Variants in AGBL1 observed in about 807,000 individuals in gnomAD.
AGBL1 encodes AGBL carboxypeptidase 1.
AGBL1 carries 130 observed loss-of-function variants against 118.9 expected under a neutral mutation model. That is an observed-to-expected ratio of 1.09 (90% confidence interval 0.95 to 1.26). The LOEUF (loss-of-function observed/expected upper bound fraction) is 1.26, where lower values mean the gene tolerates loss of function less well. Ranked by LOEUF, AGBL1 falls within the 50% of genes most tolerant of loss-of-function variation. The pLI, the probability that AGBL1 is intolerant of heterozygous loss-of-function variation, is 0.00. For synonymous variants in AGBL1, 555 were observed against 478.9 expected (o/e 1.16, Z -2.08); for missense variants, 1,584 against 1,298.1 (o/e 1.22, Z -3.38).
chr15:86,326,441 T>C (rs1352168491), intron 17 of AGBL1, among the ~76,000 whole-genome samples: 1 of 152,158 alleles, frequency 6.6e-6, no homozygotes, highest in Non-Finnish European at 1.5e-5. Context: ...TTTCAGTTTA[T>C]TATACAATGT....
At chr15:86,772,171 G>C (rs2078191570) in intron 22 of AGBL1, among the ~76,000 whole-genome samples, 1 of 151,952 alleles carries the variant, frequency 6.6e-6, no homozygotes, top group African/African-American at 2.4e-5. Flanking sequence ...TCTATTATTA[G>C]TCTTTGAAAT....
chr15:86,401,038 C>CTGT (rs1172508283), intron 18 of AGBL1, among the ~76,000 whole-genome samples: 1 of 152,132 alleles, frequency 6.6e-6, no homozygotes, highest in African/African-American at 2.4e-5. Context: ...AATCTCCATA[C>CTGT]TGTTCTTCAT....
In AGBL1 at chr15:86,158,986, G is replaced by T. The variant is rs1220716435; in HGVS notation, c.448G>T (p.Val150Phe). 1 of 1,613,360 alleles carries T rather than the reference G, an allele frequency of 6.2e-7. No individual in the cohort carries two copies. The highest frequency in any genetic ancestry group is 8.5e-7 in the Non-Finnish European group (1 of 1,179,452). ...TGGAGCCATGGAACTGCTTTTCAAGGTTATTACTCCTTACACCCGAAAGCG... is the reference window on the plus strand; with the variant it reads ...TGGAGCCATGGAACTGCTTTTCAAGTTTATTACTCCTTACACCCGAAAGCG... ...INGAMELLFKVITPYTRKRTQ... is the reference protein window; with the variant it reads ...INGAMELLFKFITPYTRKRTQ... The change falls in exon 5 of 23, where the codon GTT (valine) becomes TTT (phenylalanine). Residue 150 changes from valine to phenylalanine, a missense_variant. Val to Phe is a conservative substitution (Grantham distance 50). Transcript: ENST00000614907.
At chr15:86,178,373 C>T (rs2077510028) in intron 5 of AGBL1, among the ~76,000 whole-genome samples, 1 of 152,082 alleles carries the variant, frequency 6.6e-6, no homozygotes, top group Non-Finnish European at 1.5e-5. Flanking sequence ...AGAGAAGACA[C>T]AAATGACCAG....
chr15:86,881,034 A>G (rs1388056863), intron 22 of AGBL1, among the ~76,000 whole-genome samples: 1 of 152,048 alleles, frequency 6.6e-6, no homozygotes, highest in East Asian at 1.9e-4. Context: ...AGAGCGGTGG[A>G]ACTGCACCCC....
intron 18 of AGBL1, among the ~76,000 whole-genome samples, chr15:86,506,769 G>A (rs2082982373): frequency 6.6e-6 from 1 of 152,014 alleles, no homozygotes; most frequent in Non-Finnish European, 1.5e-5. Context: ...AGCATCTTGA[G>A]TCTTGTACTA....
chr15:86,628,246 G>A (rs1401513412), intron 21 of AGBL1, among the ~76,000 whole-genome samples: 1 of 152,166 alleles, frequency 6.6e-6, no homozygotes, highest in Non-Finnish European at 1.5e-5. Context: ...ACAGGTTCTT[G>A]GATGGTGCGG....
intron 18 of AGBL1, among the ~76,000 whole-genome samples, chr15:86,487,401 C>T (rs2082727606): frequency 6.6e-6 from 1 of 151,992 alleles, no homozygotes. Context: ...ATGTGCAGAA[C>T]GATGGTGAAA....
chr15:86,593,934 T>A (rs1019456904), intron 21 of AGBL1, among the ~76,000 whole-genome samples: 15 of 152,028 alleles, frequency 9.9e-5, no homozygotes, highest in African/African-American at 2.2e-4. Flanking sequence ...TTTTTTTTTT[T>A]AATTTTGAAA....
chr15:86,562,990 T>A (rs2083850728), intron 21 of AGBL1, among the ~76,000 whole-genome samples: 1 of 152,190 alleles, frequency 6.6e-6, no homozygotes, highest in African/African-American at 2.4e-5. Context: ...GGTGGTGATA[T>A]CCCCTTTATC....
chr15:86,984,470 A>G (rs541346621), intron 23 of AGBL1, among the ~76,000 whole-genome samples: 14 of 151,292 alleles, frequency 9.3e-5, no homozygotes, highest in Admixed American at 7.9e-4. Flanking sequence ...GGTTCGAGCA[A>G]TTCTCCTGCC....
intron 22 of AGBL1, among the ~76,000 whole-genome samples, chr15:86,745,353 C>A (rs1176345541): frequency 5.3e-5 from 8 of 151,920 alleles, no homozygotes; most frequent in African/African-American, 1.9e-4. Flanking sequence ...CTGAATTACA[C>A]AAGTATAGAA....
At chr15:86,319,019 C>T (rs1261187176) in intron 17 of AGBL1, among the ~76,000 whole-genome samples, 1 of 152,158 alleles carries the variant, frequency 6.6e-6, no homozygotes, top group African/African-American at 2.4e-5. Flanking sequence ...AACAATTTAA[C>T]TTTACCACTA....
At chr15:86,145,537 G>C (rs754817932) in intron 3 of AGBL1, among the ~76,000 whole-genome samples, 3 of 152,198 alleles carry the variant, frequency 2.0e-5, no homozygotes, top group Non-Finnish European at 4.4e-5. Flanking sequence ...TTGATGTCCA[G>C]TGCTATCAGT....
chr15:86,965,492 T>C (rs953572195), intron 23 of AGBL1, among the ~76,000 whole-genome samples: 1 of 152,104 alleles, frequency 6.6e-6, no homozygotes, highest in African/African-American at 2.4e-5. Flanking sequence ...GTTTTTTTCT[T>C]GTAAATTTGT....
In AGBL1 at chr15:86,264,400, C is replaced by G. The variant is rs1169248214; in HGVS notation, c.1229C>G (p.Ala410Gly). 6.2e-7 allele frequency: 1 copy of G among 1,613,986 alleles called. No homozygotes were observed. The highest frequency in any genetic ancestry group is 1.7e-5 in the Admixed American group (1 of 60,016). The change falls in exon 11 of 23, where the codon GCT becomes GGT. Residue 410 changes from alanine (A) to glycine (G), a missense_variant. Ala to Gly is a moderately conservative substitution (Grantham distance 60, BLOSUM62 0). Transcript: ENST00000614907. ...TCCTGTGGGCAAGAAAGAGAATATG[C>G]TGTCCAGACTTCCCTTCTGTGCAGG... is the stretch of plus-strand genomic sequence containing the variant. ...QSSCGQEREY[A>G]VQTSLLCRVK...
intron 5 of AGBL1, among the ~76,000 whole-genome samples, chr15:86,208,286 T>C (rs1260353934): frequency 6.6e-6 from 1 of 152,204 alleles, no homozygotes; most frequent in Non-Finnish European, 1.5e-5. Flanking sequence ...ATTCTCTTTT[T>C]TTGTTGTGTC....
At chr15:86,795,017 A>T (rs1005087578) in intron 22 of AGBL1, among the ~76,000 whole-genome samples, 2 of 152,200 alleles carry the variant, frequency 1.3e-5, no homozygotes, top group African/African-American at 4.8e-5. Flanking sequence ...TAAGAGACCC[A>T]GCACCCTGGG....
At chr15:86,932,887 C>A in intron 23 of AGBL1, 1 of 152,118 alleles carries the variant, frequency 6.6e-6, no homozygotes. Context: ...ATGTTCTGGT[C>A]TTGACTGTCT....
Sources: gnomAD v4.1 joint callset for allele counts (sites outside exome capture counted in the v4.1 genomes callset) on GRCh38, gnomAD v4.1.1 for gene constraint, MANE v1.5 for transcripts, NCBI Gene and HGNC (gene_info 2026-07-23, HGNC 2026-07-21) for gene names.